Variants in CREBBP observed in about 807,000 individuals in gnomAD.
CREBBP encodes the protein CREB binding lysine acetyltransferase, also known as CREB-binding protein.
Under a neutral mutation model 265.0 loss-of-function variants are expected in CREBBP, and 19 were observed. The ratio of observed to expected loss-of-function variants is 0.07; its 90% CI spans 0.05 to 0.11. The LOEUF (loss-of-function observed/expected upper bound fraction) is 0.11, where lower values mean the gene tolerates loss of function less well. Among genes scored for constraint, CREBBP ranks in the 10% least tolerant of loss-of-function variants. The pLI is 1.00. For synonymous variants in CREBBP, 1,457 were observed against 1,223.7 expected (o/e 1.19, Z -3.98); for missense variants, 2,525 against 3,219.0 (o/e 0.78, Z 5.22).
intron 21 of CREBBP, among the ~76,000 whole-genome samples, chr16:3,747,906 G>A (rs1420600600): frequency 1.3e-5 from 2 of 152,096 alleles, no homozygotes; most frequent in Non-Finnish European, 2.9e-5. Context: ...TGGCTAACAT[G>A]GTGAAACCCC....
At chr16:3,753,349 T>C (rs964939769) in intron 19 of CREBBP, among the ~76,000 whole-genome samples, 3 of 152,230 alleles carry the variant, frequency 2.0e-5, no homozygotes, top group African/African-American at 7.2e-5. Context: ...ATACAGCAAA[T>C]TTTAAAGCAT....
chr16:3,768,029 T>C (rs368325860), intron 15 of CREBBP, 120 bp from the exon 16 acceptor site: 19 of 864,954 alleles, frequency 2.2e-5, no homozygotes, highest in African/African-American at 1.8e-4. Context: ...TAGTCAGAGT[T>C]GCATTTATGA....
chr16:3,735,554 C>A (rs1322649020), intron 28 of CREBBP, among the ~76,000 whole-genome samples: 1 of 152,108 alleles, frequency 6.6e-6, no homozygotes, highest in Non-Finnish European at 1.5e-5. Flanking sequence ...CCTCGGCCTC[C>A]CAAAGTGCGG....
At chr16:3,805,334 C>T (rs1211084629) in intron 3 of CREBBP, among the ~76,000 whole-genome samples, 1 of 152,136 alleles carries the variant, frequency 6.6e-6, no homozygotes, top group African/African-American at 2.4e-5. Context: ...TTTCTATAGA[C>T]ACTGTTATGG....
chr16:3,810,270 C>T lies in CREBBP; in HGVS notation c.975+333G>A, dbSNP rs186624974. ...TGGGCTTCTACTGACATCATCAAGC[C>T]ACTAACAAACAGGAAGTGTAAGAAA... On this transcript the variant is annotated intron_variant, in intron 3 of 30. Transcript: ENST00000262367. Among the ~76,000 whole-genome samples the T allele has an allele frequency of 5.6e-4, 85 of 152,246 alleles. 1 individual carries two copies. Among genetic ancestry groups the T allele is most frequent in the Non-Finnish European group, 9.4e-4 (64 of 68,018 alleles).
At chr16:3,795,799 C>G (rs906374267) in intron 3 of CREBBP, among the ~76,000 whole-genome samples, 3 of 152,008 alleles carry the variant, frequency 2.0e-5, no homozygotes, top group Admixed American at 2.0e-4. Context: ...CAAAATGAGC[C>G]TCATTTAGGA....
intron 2 of CREBBP, among the ~76,000 whole-genome samples, chr16:3,825,448 C>T (rs903223773): frequency 3.3e-5 from 5 of 152,230 alleles, no homozygotes; most frequent in Non-Finnish European, 4.4e-5. Context: ...GGAAGTATGG[C>T]CTTGGAATTG....
intron 3 of CREBBP, among the ~76,000 whole-genome samples, chr16:3,796,085 G>C (rs1232302687): frequency 1.3e-5 from 2 of 152,028 alleles, no homozygotes. Context: ...TTGTTGAAGA[G>C]ACCACACAGT....
At chr16:3,782,516 A>T (rs1289181463) in intron 6 of CREBBP, among the ~76,000 whole-genome samples, 168 bp downstream of exon 6, 2 of 152,260 alleles carry the variant, frequency 1.3e-5, no homozygotes, top group African/African-American at 4.8e-5. Context: ...ATAAGCATGT[A>T]ACATTTTCCT....
chr16:3,774,450 A>T, intron 12 of CREBBP, 119 bp downstream of exon 12: 1 of 1,367,422 alleles, frequency 7.3e-7, no homozygotes, highest in Non-Finnish European at 1.0e-6. Context: ...AATAAAGCAT[A>T]ACCCAAATTC....
At chr16:3,853,669 G>C (rs996089921) in intron 1 of CREBBP, among the ~76,000 whole-genome samples, 1 of 151,870 alleles carries the variant, frequency 6.6e-6, no homozygotes, top group African/African-American at 2.4e-5. Flanking sequence ...AGGCACGGTA[G>C]CTCATGCCTG....
intron 2 of CREBBP, among the ~76,000 whole-genome samples, chr16:3,835,245 G>T (rs947704678): frequency 1.3e-5 from 2 of 151,652 alleles, no homozygotes; most frequent in Non-Finnish European, 2.9e-5. Context: ...GAACAGACTA[G>T]AACAAAGGTA....
chr16:3,810,648 G>A lies in CREBBP; in HGVS notation c.930C>T (p.Phe310=). The A allele has an allele frequency of 2.5e-6, 4 of 1,613,964 alleles. No individual in the cohort carries two copies. Among genetic ancestry groups the A allele is most frequent in the Non-Finnish European group, 3.4e-6 (4 of 1,180,024 alleles). The change falls in exon 3 of 31, where the codon TTC becomes TTT. Residue 310 remains phenylalanine (F), a synonymous_variant. Transcript: ENST00000262367. ...KQSMVNSLPT[F]PTDIKNTSVT... is the part of the protein sequence containing the mutation. ...CTGAAGTATTCTTGATATCTGTAGG[G>A]AAGGTGGGCAAACTGTTGACCATGC...
Position 3,729,842 on chromosome 16 carries a change from C to G in CREBBP, c.5205G>C (p.Thr1735=), listed in dbSNP as rs772658365. 1 of 1,603,368 alleles carries G rather than the reference C, an allele frequency of 6.2e-7. No homozygotes were observed. Among genetic ancestry groups the G allele is most frequent in the Non-Finnish European group, 8.5e-7 (1 of 1,179,974 alleles). The change falls in exon 31 of 31, where the codon ACG becomes ACC. Residue 1735 remains threonine, a synonymous_variant. Coordinates refer to ENST00000262367, the MANE Select transcript of CREBBP (RefSeq NM_004380.3). ...TCACCATCTTATGGGCATGGCTCTT[C>G]GTGTTATAGCAGTTGATGCAGAGGT... is the stretch of plus-strand genomic sequence containing the variant. ...DYDLCINCYN[T]KSHAHKMVKW...
At chr16:3,827,845 C>T (rs1351820317) in intron 2 of CREBBP, among the ~76,000 whole-genome samples, 1 of 152,094 alleles carries the variant, frequency 6.6e-6, no homozygotes, top group Non-Finnish European at 1.5e-5. Flanking sequence ...CACGTGCCAC[C>T]ACACCCAGCT....
At chr16:3,736,561 TAAC>T in intron 27 of CREBBP, 86 bp downstream of exon 27, 1 of 1,549,476 alleles carries the variant, frequency 6.5e-7, no homozygotes, top group Non-Finnish European at 8.9e-7. Context: ...TGAAGGTAAT[TAAC>T]AAGTATGCGA....
chr16:3,797,005 T>C (rs990528988), intron 3 of CREBBP, among the ~76,000 whole-genome samples: 1 of 152,122 alleles, frequency 6.6e-6, no homozygotes, highest in Non-Finnish European at 1.5e-5. Context: ...CTTAATTTCC[T>C]CCTCTCCCAG....
At chr16:3,747,311 A>G (rs534345154) in intron 21 of CREBBP, among the ~76,000 whole-genome samples, 9 of 152,356 alleles carry the variant, frequency 5.9e-5, no homozygotes, top group Admixed American at 4.6e-4. Flanking sequence ...ACGTCAAGAG[A>G]CAGTGTAATG....
intron 30 of CREBBP, among the ~76,000 whole-genome samples, 195 bp from the exon 31 acceptor site, chr16:3,730,069 G>A (rs928484802): frequency 6.6e-6 from 1 of 152,074 alleles, no homozygotes; most frequent in African/African-American, 2.4e-5. Context: ...ATGGGATCAT[G>A]GACGGGATGG....
Sources: gnomAD v4.1 joint callset for allele counts (sites outside exome capture counted in the v4.1 genomes callset) on GRCh38, gnomAD v4.1.1 for gene constraint, MANE v1.5 for transcripts, NCBI Gene and HGNC (gene_info 2026-07-23, HGNC 2026-07-21) for gene names.